Variants in KIAA1191 observed in about 807,000 individuals in gnomAD.
The protein encoded by KIAA1191 is putative monooxygenase p33MONOX.
Under a neutral mutation model 31.1 loss-of-function variants are expected in KIAA1191, and 22 were observed. The observed-to-expected ratio is 0.71, with a 90% CI of 0.51 to 1.01. The LOEUF (loss-of-function observed/expected upper bound fraction) is 1.01, where lower values mean the gene tolerates loss of function less well. Among genes scored for constraint, KIAA1191 ranks in the 50% least tolerant of loss-of-function variants. The pLI is 0.00. For synonymous variants in KIAA1191, 130 were observed against 143.9 expected (o/e 0.90, Z 0.69); for missense variants, 319 against 388.0 (o/e 0.82, Z 1.49).
At position 176,350,629 on chromosome 5, in the gene KIAA1191, A is replaced by T. The variant is rs1348272485; in HGVS notation, c.443T>A (p.Val148Glu). ...LTTEETKYLR[V>E]AEALHKLKLQ... ...AGAGCTTACGTGGAGTGCTTCGGCC[A>T]CTCGAAGGTACTTGGTCTCCTCGGT... The change falls in exon 6 of 9, where the codon GTG becomes GAG. Residue 148 changes from valine (V) to glutamate (E), a missense_variant. By Grantham distance (121) the Val-to-Glu change is moderately radical. Coordinates refer to ENST00000298569, the MANE Select transcript of KIAA1191 (RefSeq NM_020444.5). 6.2e-7 allele frequency: 1 copy of T among 1,613,162 alleles called. No homozygotes were observed. Among genetic ancestry groups the T allele is most frequent in the Non-Finnish European group, 8.5e-7 (1 of 1,179,774 alleles).
chr5:176,359,569 TA>T lies in KIAA1191; in HGVS notation c.-59-3del. 7.5e-7 allele frequency: 1 copy of T among 1,327,794 alleles called. No homozygotes were observed. Among genetic ancestry groups the T allele is most frequent in the Non-Finnish European group, 1.1e-6 (1 of 919,832 alleles). 82.3% of individuals were successfully genotyped at this position (1,327,794 alleles called of 1,614,324 possible). ...AATTCCGAGCTGAGTCCCTGCCACC[TA>T]ATAAAATAACAAAGGGCATTTTCTT... On this transcript the variant is annotated splice_polypyrimidine_tract_variant and splice_region_variant and intron_variant, in intron 2 of 8. Coordinates refer to ENST00000298569, the MANE Select transcript of KIAA1191 (RefSeq NM_020444.5).
At position 176,357,694 on chromosome 5, in the gene KIAA1191, C is replaced by T. The variant is rs552488019; in HGVS notation, c.28+1787G>A. On this transcript the variant is annotated intron_variant, in intron 3 of 8. Coordinates refer to ENST00000298569, the MANE Select transcript of KIAA1191 (RefSeq NM_020444.5). The stretch of plus-strand genomic sequence containing the variant: ...ATGGGCACAATCCTATGGCTCGCGA[C>T]GGCTACACGGAGTTTGTGGTAATCA... 6.6e-5 allele frequency among the ~76,000 whole-genome samples: 10 copies of T among 152,198 alleles called. No homozygotes were observed. In the East Asian group the frequency reaches 7.7e-4, roughly 12 times the overall value.
Position 176,350,659 on chromosome 5 carries a change from A to C in KIAA1191, c.413T>G (p.Leu138Arg). Residue 138 changes from leucine (L) to arginine (R), a missense_variant, in exon 6 of 9, where the codon CTC becomes CGC. Transcript: ENST00000298569. ...AAGGTACTTGGTCTCCTCGGTGGTG[A>C]GGCCCTTGTGGGGTGTGTAGCCAGC... Reference protein sequence around the residue: ...RDAGYTPHKGLTTEETKYLRV... With the variant: ...RDAGYTPHKGRTTEETKYLRV... The C allele has an allele frequency of 6.2e-7, 1 of 1,614,112 alleles. No individual in the cohort carries two copies.
chr5:176,356,745 T>C (rs1435069534), intron 3 of KIAA1191, among the ~76,000 whole-genome samples: 1 of 152,148 alleles, frequency 6.6e-6, no homozygotes, highest in Non-Finnish European at 1.5e-5. Flanking sequence ...AGAACCTACC[T>C]GAAAGGTAAC....
chr5:176,359,988 A>C lies in KIAA1191; in HGVS notation c.-167-70T>G, dbSNP rs573410850. 5 of 161,282 alleles carry C rather than the reference A, an allele frequency of 3.1e-5. No homozygotes were observed. In the South Asian group the frequency reaches 8.7e-4, roughly 28 times the overall value. 10.0% of individuals were successfully genotyped at this position (161,282 alleles called of 1,614,324 possible). Reference sequence around the variant, plus strand: ...TGCCAAACACTTGTTTATTCCCCACAACAACCTTGCTCATTTCATTTTCTT... The same window carrying C: ...TGCCAAACACTTGTTTATTCCCCACCACAACCTTGCTCATTTCATTTTCTT... On this transcript the variant is annotated intron_variant, in intron 1 of 8. Coordinates refer to ENST00000298569, the MANE Select transcript of KIAA1191 (RefSeq NM_020444.5).
In KIAA1191 at chr5:176,355,796, C is replaced by CT; in HGVS notation, c.29-48dup. ...AAGACAGGTTCAGCAACTGGACATACTAGCAGCTTTAAATTAATCTACAGG... is the reference window on the plus strand; with the variant it reads ...AAGACAGGTTCAGCAACTGGACATACTTAGCAGCTTTAAATTAATCTACAGG... On this transcript the variant is annotated intron_variant, in intron 3 of 8. Coordinates refer to ENST00000298569, the MANE Select transcript of KIAA1191 (RefSeq NM_020444.5). This position sits in a 1 kb window ranked among gnomAD's most constrained non-coding sequence, Gnocchi z 4.2. 6.4e-7 allele frequency: 1 copy of CT among 1,559,254 alleles called. No individual in the cohort carries two copies. Among genetic ancestry groups the CT allele is most frequent in the South Asian group, 1.1e-5 (1 of 89,654 alleles).
intron 3 of KIAA1191, among the ~76,000 whole-genome samples, chr5:176,357,437 AAC>A (rs1443527514): frequency 6.6e-6 from 1 of 152,352 alleles, no homozygotes; most frequent in Non-Finnish European, 1.5e-5. Flanking sequence ...TTACATCTCA[AAC>A]ACACACACAA....
chr5:176,355,550 A>G lies in KIAA1191; in HGVS notation c.207+21T>C, dbSNP rs1240790619. 1 of 1,598,706 alleles carries G rather than the reference A, an allele frequency of 6.3e-7. No homozygotes were observed. The highest frequency in any genetic ancestry group is 8.6e-7 in the Non-Finnish European group (1 of 1,169,582). On this transcript the variant is annotated intron_variant, in intron 4 of 8. Coordinates refer to ENST00000298569, the MANE Select transcript of KIAA1191 (RefSeq NM_020444.5). The surrounding 1 kb of genome is among the most constrained non-coding windows in gnomAD (Gnocchi z 4.2). ...GACAAAGGGGTTGCGTATGCCAGAAATGGCCAGCAGGGTCAGATACCTTGG... is the reference window on the plus strand; with the variant it reads ...GACAAAGGGGTTGCGTATGCCAGAAGTGGCCAGCAGGGTCAGATACCTTGG...
chr5:176,348,481 A>G, intron 6 of KIAA1191, 125 bp from the exon 7 acceptor site: 1 of 652,830 alleles, frequency 1.5e-6, no homozygotes, highest in Non-Finnish European at 2.7e-6. Context: ...AGGTGGAATG[A>G]TTTCGGATGA....
chr5:176,352,771 A>T lies in KIAA1191; in HGVS notation c.208-23T>A. On this transcript the variant is annotated intron_variant, in intron 4 of 8. Transcript: ENST00000298569. ...CACCTGTTCAAGAGAGGTACAGTAC[A>T]GAAGCACTTAGGCAGGGCAGGGGAG... The T allele has an allele frequency of 1.9e-6, 3 of 1,604,016 alleles. No individual in the cohort carries two copies. The South Asian group carries it at 3.3e-5, about 18-fold the overall frequency.
chr5:176,348,836 C>G (rs1015143113), intron 6 of KIAA1191: 9 of 158,398 alleles, frequency 5.7e-5, no homozygotes, highest in Non-Finnish European at 1.3e-4. Context: ...GAGCCTGTTC[C>G]ATTCTCTCCT....
chr5:176,352,154 T>TAAAAAAA (rs112644959), intron 5 of KIAA1191, among the ~76,000 whole-genome samples: 3 of 115,880 alleles, frequency 2.6e-5, no homozygotes, highest in Admixed American at 8.8e-5. Context: ...TTGAGCTGTT[T>TAAAAAAA]AAAAAAAAAA....
In KIAA1191 at chr5:176,355,802, G is replaced by C; in HGVS notation, c.29-53C>G. The C allele has an allele frequency of 6.5e-7, 1 of 1,529,186 alleles. No homozygotes were observed. Among genetic ancestry groups the C allele is most frequent in the Non-Finnish European group, 9.1e-7 (1 of 1,103,676 alleles). The allele number at this position is 1,529,186 out of a possible 1,614,324, so 94.7% of individuals were successfully genotyped here. On this transcript the variant is annotated intron_variant, in intron 3 of 8. Transcript: ENST00000298569. This position sits in a 1 kb window ranked among gnomAD's most constrained non-coding sequence, Gnocchi z 4.2. The stretch of plus-strand genomic sequence containing the variant: ...GGTTCAGCAACTGGACATACTAGCA[G>C]CTTTAAATTAATCTACAGGAAGGAA...
rs543716781 is a variant in KIAA1191 at position 176,351,204 on chromosome 5, G to A, written c.335-467C>T. 4.0e-5 allele frequency among the ~76,000 whole-genome samples: 6 copies of A among 151,872 alleles called. No homozygotes were observed. The South Asian group carries it at 1.3e-3, about 32-fold the overall frequency. On this transcript the variant is annotated intron_variant, in intron 5 of 8. Transcript: ENST00000298569. ...AAAAATACAAAAATTAGCTGGGTGT[G>A]GTGGCAGGCGCCTGTAGTCCCAGCT...
intron 3 of KIAA1191, among the ~76,000 whole-genome samples, chr5:176,359,147 C>T (rs1260107403): frequency 2.8e-5 from 4 of 144,184 alleles, no homozygotes; most frequent in Non-Finnish European, 6.0e-5. Flanking sequence ...GGTGAAACCC[C>T]GTCTCTACAA....
chr5:176,352,485 G>T, intron 5 of KIAA1191, 137 bp downstream of exon 5: 2 of 981,534 alleles, frequency 2.0e-6, no homozygotes, highest in Non-Finnish European at 3.0e-6. Context: ...ATACTGACAT[G>T]ATTCAGCAGC....
intron 3 of KIAA1191, among the ~76,000 whole-genome samples, chr5:176,358,542 C>G (rs7718906): frequency 6.6e-6 from 1 of 151,610 alleles, no homozygotes; most frequent in Non-Finnish European, 1.5e-5. Context: ...ATGGAGAAAC[C>G]CTGTCTCTAT....
rs1181711132 is a variant in KIAA1191, at chr5:176,347,666, T to G, written c.852A>C (p.Lys284Asn). The change falls in exon 9 of 9, where the codon AAA becomes AAC. Residue 284 changes from lysine (K) to asparagine (N), a missense_variant. Physicochemically the swap from Lys to Asn is moderately conservative, Grantham distance 94. Coordinates refer to ENST00000298569, the MANE Select transcript of KIAA1191 (RefSeq NM_020444.5). ...KMDIPVMEGK[K>N]QPPRAHNLKP... ...TGAGGTTATGGGCCCGTGGTGGCTG[T>G]TTCTTTCCTTCCATCACTGGGATGT... 6.3e-7 allele frequency: 1 copy of G among 1,577,240 alleles called. No homozygotes were observed. The highest frequency in any genetic ancestry group is 1.2e-5 in the South Asian group (1 of 84,030).
chr5:176,357,280 AAC>A, intron 3 of KIAA1191: 1 of 152,292 alleles, frequency 6.6e-6, no homozygotes, highest in South Asian at 2.1e-4. Context: ...CAACCTAGGC[AAC>A]AGAGCGAGAT....
Sources: gnomAD v4.1 joint callset for allele counts (sites outside exome capture counted in the v4.1 genomes callset) on GRCh38, gnomAD v4.1.1 for gene constraint, Gnocchi (gnomAD v3.1) non-coding constraint, MANE v1.5 for transcripts, NCBI Gene and HGNC (gene_info 2026-07-23, HGNC 2026-07-21) for gene names.